The following LRRC8C variants were observed in gnomAD, a reference collection of about 807,000 sequenced individuals.
The protein encoded by LRRC8C is volume-regulated anion channel subunit LRRC8C.
Under a neutral mutation model 55.3 loss-of-function variants are expected in LRRC8C, and 20 were observed. That is an observed-to-expected ratio of 0.36 (90% CI 0.25 to 0.53). The LOEUF is 0.53. LRRC8C is among the 20% of genes least tolerant of loss of function. The pLI is 0.92. For synonymous variants in LRRC8C, 376 were observed against 360.7 expected (o/e 1.04, Z -0.48); for missense variants, 659 against 951.4 (o/e 0.69, Z 4.04).
chr1:89,669,525 TG>T (rs1191792410), intron 1 of LRRC8C, among the ~76,000 whole-genome samples: 5 of 152,198 alleles, frequency 3.3e-5, no homozygotes, highest in African/African-American at 1.2e-4. Flanking sequence ...TATTAGTAGC[TG>T]TCATCTATTG....
intron 2 of LRRC8C, 56 bp from the exon 3 acceptor site, chr1:89,712,653 A>T (rs1658680831): frequency 7.8e-7 from 1 of 1,279,328 alleles, no homozygotes; most frequent in Non-Finnish European, 1.1e-6. Context: ...TGCAGTAATG[A>T]CATTATGAAA....
intron 1 of LRRC8C, among the ~76,000 whole-genome samples, chr1:89,670,131 G>A (rs945092823): frequency 3.3e-5 from 5 of 152,072 alleles, no homozygotes; most frequent in Non-Finnish European, 7.4e-5. Context: ...GAAAAGAAAG[G>A]TCCAGAATAG....
intron 1 of LRRC8C, among the ~76,000 whole-genome samples, chr1:89,634,824 T>G: frequency 6.6e-6 from 1 of 152,196 alleles, no homozygotes; most frequent in East Asian, 1.9e-4. Flanking sequence ...CTATAATTGG[T>G]TTGCTTTACT....
chr1:89,714,416 G>A lies in LRRC8C; in HGVS notation c.1846G>A (p.Glu616Lys). Residue 616 changes from glutamate to lysine, a missense_variant, in exon 3 of 3, where the codon GAA (glutamate) becomes AAA (lysine). Glu to Lys is a moderately conservative substitution (Grantham distance 56). This residue lies in a region of LRRC8C where 344 missense variants were observed against 464.6 expected (regional missense o/e 0.74). Transcript: ENST00000370454. The surrounding 1 kb of genome is among the most constrained non-coding windows in gnomAD (Gnocchi z 4.6). ...HAVFSLLSLQELDLKENNLKS... is the reference protein window; with the variant it reads ...HAVFSLLSLQKLDLKENNLKS... ...TGTGTTCAGCCTACTCAGCCTCCAG[G>A]AATTGGACCTGAAGGAAAACAATCT... 6.2e-7 allele frequency: 1 copy of A among 1,614,132 alleles called. No homozygotes were observed. The highest frequency in any genetic ancestry group is 8.5e-7 in the Non-Finnish European group (1 of 1,180,020).
chr1:89,691,236 A>C (rs1365841432), intron 2 of LRRC8C, among the ~76,000 whole-genome samples: 1 of 152,250 alleles, frequency 6.6e-6, no homozygotes. Flanking sequence ...AGCATCAAAT[A>C]TGATGTTGTC....
intron 1 of LRRC8C, among the ~76,000 whole-genome samples, chr1:89,647,590 A>G (rs550843332): frequency 1.3e-5 from 2 of 152,282 alleles, no homozygotes; most frequent in East Asian, 3.9e-4. Context: ...AAAAATATAT[A>G]ACTTTTACTC....
rs966387630 is a variant in LRRC8C, at chr1:89,715,880, C to A, written c.*898C>A. Reference sequence around the variant, plus strand: ...AGATGGAAAAAAATTTACTAAAGCACCCTGTTAAAGAGCTGGTGTGCTCCA... The same window carrying A: ...AGATGGAAAAAAATTTACTAAAGCAACCTGTTAAAGAGCTGGTGTGCTCCA... On this transcript the variant is annotated 3_prime_UTR_variant, in exon 3 of 3. Transcript: ENST00000370454. 1.8e-4 allele frequency: 28 copies of A among 152,188 alleles called. No individual in the cohort carries two copies. The highest frequency in any genetic ancestry group is 5.8e-4 in the African/African-American group (24 of 41,516). 9.4% of individuals were successfully genotyped at this position (152,188 alleles called of 1,614,324 possible).
chr1:89,675,482 G>A (rs535046313), intron 1 of LRRC8C, among the ~76,000 whole-genome samples: 3 of 152,352 alleles, frequency 2.0e-5, no homozygotes, highest in Admixed American at 6.5e-5. Context: ...TGTGTTCATG[G>A]TGTGCCTGCT....
intron 2 of LRRC8C, among the ~76,000 whole-genome samples, chr1:89,692,942 C>T (rs1658064027): frequency 1.3e-5 from 2 of 152,158 alleles, no homozygotes; most frequent in Admixed American, 6.5e-5. Context: ...CAAAACAGCC[C>T]ATGGGCAGAC....
rs1658903942 is a variant in LRRC8C, at chr1:89,719,161, G to A, written c.*4179G>A. The stretch of plus-strand genomic sequence containing the variant: ...TTTTTTATCAGAATACCTTGAAAGG[G>A]GGGTATATAAATTTGGAAAACTTAA... On this transcript the variant is annotated 3_prime_UTR_variant, in exon 3 of 3. Transcript: ENST00000370454. The A allele has an allele frequency of 6.6e-6, 1 of 152,100 alleles. No homozygotes were observed. Among genetic ancestry groups the A allele is most frequent in the African/African-American group, 2.4e-5 (1 of 41,412 alleles). 9.4% of individuals were successfully genotyped at this position (152,100 alleles called of 1,614,324 possible).
chr1:89,709,509 A>G (rs944904570), intron 2 of LRRC8C, among the ~76,000 whole-genome samples: 5 of 152,220 alleles, frequency 3.3e-5, no homozygotes, highest in African/African-American at 9.6e-5. Flanking sequence ...ACCCTGGTAC[A>G]GTGCATAACC....
At position 89,701,799 on chromosome 1, in the gene LRRC8C, A is replaced by G. The variant is rs116272376; in HGVS notation, c.139-10910A>G. ...AGATATAAAAAGATAACAAAAATGC[A>G]TACACAGACCCCAAAGCAAGATGAG... is the stretch of plus-strand genomic sequence containing the variant. On this transcript the variant is annotated intron_variant, in intron 2 of 2. Transcript: ENST00000370454. Among the ~76,000 whole-genome samples the G allele has an allele frequency of 8.4e-3, 1,285 of 152,312 alleles. 17 individuals are homozygous for G. Among genetic ancestry groups the G allele is most frequent in the African/African-American group, 0.03 (1,238 of 41,562 alleles).
intron 1 of LRRC8C, among the ~76,000 whole-genome samples, chr1:89,645,958 C>CAGATAGATAGATAGAT (rs57855698): frequency 0.15 from 22,362 of 150,172 alleles, 1,708 homozygotes; most frequent in East Asian, 0.18. Context: ...GGAAGATGAT[C>CAGATAGATAGATAGAT]AGATAGATAG....
intron 2 of LRRC8C, among the ~76,000 whole-genome samples, chr1:89,689,663 G>A (rs1448376159): frequency 3.3e-5 from 5 of 152,092 alleles, no homozygotes; most frequent in South Asian, 2.1e-4. Flanking sequence ...GAAATCGGCC[G>A]GGCATGGTGG....
chr1:89,707,446 G>A (rs1393406413), intron 2 of LRRC8C, among the ~76,000 whole-genome samples: 2 of 151,872 alleles, frequency 1.3e-5, no homozygotes, highest in African/African-American at 4.8e-5. Flanking sequence ...GAGGATATTG[G>A]GTCACACCCC....
chr1:89,636,511 C>T (rs1656286276), intron 1 of LRRC8C, among the ~76,000 whole-genome samples: 1 of 152,070 alleles, frequency 6.6e-6, no homozygotes, highest in African/African-American at 2.4e-5. Flanking sequence ...GTTGATGGAT[C>T]GGAATTTGTA....
At chr1:89,710,405 CTTTATA>C (rs1658618444) in intron 2 of LRRC8C, among the ~76,000 whole-genome samples, 1 of 151,710 alleles carries the variant, frequency 6.6e-6, no homozygotes, top group East Asian at 1.9e-4. Flanking sequence ...GAAAACTTTT[CTTTATA>C]TTTATTTTAA....
the LRRC8C span, among the ~76,000 whole-genome samples, chr1:89,622,546 G>A: frequency 6.6e-6 from 1 of 152,068 alleles, no homozygotes; most frequent in Non-Finnish European, 1.5e-5. Flanking sequence ...TGTTAGCCAG[G>A]ATAGTCTCGA....
intron 2 of LRRC8C, among the ~76,000 whole-genome samples, chr1:89,706,965 G>T (rs932675418): frequency 6.6e-6 from 1 of 152,058 alleles, no homozygotes; most frequent in Non-Finnish European, 1.5e-5. Context: ...ACCAATTATT[G>T]CAACCCTTGG....
Sources: gnomAD v4.1 joint callset for allele counts (sites outside exome capture counted in the v4.1 genomes callset) on GRCh38, gnomAD v4.1.1 for gene constraint, gnomAD v4.1.1 regional missense constraint, Gnocchi (gnomAD v3.1) non-coding constraint, MANE v1.5 for transcripts, NCBI Gene and HGNC (gene_info 2026-07-23, HGNC 2026-07-21) for gene names.